The following ATRX variants were observed in gnomAD, a reference collection of about 807,000 sequenced individuals.
ATRX encodes the protein chromatin remodeler ATRX.
In ATRX, 12 loss-of-function variants were observed where a neutral mutation model predicts 172.6. That is an observed-to-expected ratio of 0.07 (90% confidence interval 0.04 to 0.11). The LOEUF (loss-of-function observed/expected upper bound fraction) is 0.11. Among genes scored for constraint, ATRX ranks in the 10% least tolerant of loss-of-function variants. The probability of loss-of-function intolerance (pLI) is 1.00; values close to 1 mark genes in which losing one functional copy is unlikely to be tolerated. For synonymous variants in ATRX, 674 were observed against 594.7 expected, an observed-to-expected ratio of 1.13 and a Z score of -1.94; for missense variants, 1,368 against 1,767.4, an observed-to-expected ratio of 0.77 and a Z score of 4.05.
rs782444854 is a variant in ATRX at position 77,786,036 on chromosome X, T to G, written c.-35A>C. 1.7e-6 allele frequency: 2 copies of G among 1,182,090 alleles called. No individual in the cohort carries two copies. The highest frequency in any genetic ancestry group is 2.3e-6 in the Non-Finnish European group (2 of 880,035). Reference sequence around the variant, plus strand: ...TGAACGCCTTGTCGGCTTCTGTGATTGCTGGGCGCCGATCTGCGCTCCCCC... The same window carrying G: ...TGAACGCCTTGTCGGCTTCTGTGATGGCTGGGCGCCGATCTGCGCTCCCCC... On this transcript the variant is annotated 5_prime_UTR_variant, in exon 1 of 35. Transcript: ENST00000373344.
Position 77,600,434 on chromosome X carries a change from C to T in ATRX, c.5697G>A (p.Lys1899=), listed in dbSNP as rs2148155828. 1 of 1,209,888 alleles carries T rather than the reference C, an allele frequency of 8.3e-7. No individual in the cohort carries two copies. Among genetic ancestry groups the T allele is most frequent in the Non-Finnish European group, 1.1e-6 (1 of 894,265 alleles). Residue 1899 remains lysine, a splice_region_variant and synonymous_variant, in exon 23 of 35, where the codon AAG becomes AAA. Coordinates refer to ENST00000373344, the MANE Select transcript of ATRX (RefSeq NM_000489.6). ...TTTTAAACTAAGTTACCTGACTTAC[C>T]TTATTTTCTTTGCTAATGTAGTCTA... ...LQLDYISKEN[K]GYFDEDSMDE... is the part of the protein sequence containing the mutation.
chrX:77,562,355 T>C (rs1370040757), intron 28 of ATRX, among the ~76,000 whole-genome samples: 2 of 112,036 alleles, frequency 1.8e-5, no homozygotes, highest in African/African-American at 6.5e-5. Flanking sequence ...GACAAGTATG[T>C]TTAGTTGTTT....
At chrX:77,519,374 T>C (rs1463693553) in intron 34 of ATRX, among the ~76,000 whole-genome samples, 2 of 111,224 alleles carry the variant, frequency 1.8e-5, no homozygotes, top group African/African-American at 6.5e-5. Flanking sequence ...AAAGAAGACA[T>C]ACAAATGGCA....
intron 13 of ATRX, among the ~76,000 whole-genome samples, chrX:77,654,979 C>T (rs1287056856): frequency 9.0e-6 from 1 of 111,088 alleles, no homozygotes; most frequent in Non-Finnish European, 1.9e-5. Context: ...AATTCTGAAA[C>T]ATGCCTCAAC....
intron 15 of ATRX, among the ~76,000 whole-genome samples, chrX:77,636,755 G>T (rs1302503357): frequency 9.9e-6 from 1 of 100,568 alleles, no homozygotes; most frequent in Non-Finnish European, 2.0e-5. Context: ...GTTGTTGGTT[G>T]CTATGCCAAA....
At chrX:77,640,858 T>C (rs1557110842) in intron 15 of ATRX, among the ~76,000 whole-genome samples, 3 of 111,646 alleles carry the variant, frequency 2.7e-5, no homozygotes, top group Admixed American at 9.5e-5. Context: ...CTTTGAGTCA[T>C]AGCTGAACAT....
intron 27 of ATRX, among the ~76,000 whole-genome samples, chrX:77,576,796 G>A (rs1358579215): frequency 1.8e-5 from 2 of 111,280 alleles, no homozygotes; most frequent in African/African-American, 3.3e-5. Context: ...ACAGGCCCTG[G>A]CAAACACCAT....
rs1434468570 is a variant in ATRX, at chrX:77,522,343, G to C, written c.6895C>G (p.Pro2299Ala). Residue 2299 changes from proline to alanine, a missense_variant, in exon 32 of 35, where the codon CCT becomes GCT. Pro to Ala is a conservative substitution (Grantham distance 27). Transcript: ENST00000373344. ...GGAGTTTGAGAGTTGAAACTGACAG[G>C]GGGTAAATTGGTCCCAGTTGGTATG... ...FNIPTGTNLP[P>A]VSFNSQTPYI... 1 of 1,210,241 alleles carries C rather than the reference G, an allele frequency of 8.3e-7. No individual in the cohort carries two copies. Among genetic ancestry groups the C allele is most frequent in the Admixed American group, 2.2e-5 (1 of 45,933 alleles).
chrX:77,537,618 T>G (rs1367458333), intron 30 of ATRX, among the ~76,000 whole-genome samples: 1 of 110,875 alleles, frequency 9.0e-6, no homozygotes, highest in Non-Finnish European at 1.9e-5. Flanking sequence ...GAGGATTGCT[T>G]GGGCTGAGGA....
At position 77,681,755 on chromosome X, in the gene ATRX, C is replaced by G; in HGVS notation, c.3501G>C (p.Lys1167Asn). The G allele has an allele frequency of 8.3e-7, 1 of 1,201,575 alleles. No homozygotes were observed. Among genetic ancestry groups the G allele is most frequent in the Non-Finnish European group, 1.1e-6 (1 of 892,870 alleles). The change falls in exon 9 of 35, where the codon AAG (lysine) becomes AAC (asparagine). Residue 1167 changes from lysine to asparagine, a missense_variant. Lys to Asn is a moderately conservative substitution (Grantham distance 94). This residue lies in a region of ATRX where 843 missense variants were observed against 643.1 expected (regional missense o/e 1.31). Coordinates refer to ENST00000373344, the MANE Select transcript of ATRX (RefSeq NM_000489.6). ...TTTTAGATGAAGTTCTTTGCTTCTT[C>G]TTTTTATTATCTTCAGAACTTTCCT... Reference protein sequence around the residue: ...DAEESSEDNKKKKQRTSSKKK... With the variant: ...DAEESSEDNKNKKQRTSSKKK...
chrX:77,742,949 G>A (rs2074934819), intron 1 of ATRX, among the ~76,000 whole-genome samples: 1 of 111,327 alleles, frequency 9.0e-6, no homozygotes, highest in Non-Finnish European at 1.9e-5. Context: ...GCTCATAACT[G>A]TGAGCAGTAC....
At chrX:77,755,322 A>G (rs1451389820) in intron 1 of ATRX, among the ~76,000 whole-genome samples, 1 of 111,968 alleles carries the variant, frequency 8.9e-6, no homozygotes, top group African/African-American at 3.3e-5. Context: ...CACCTTCTGA[A>G]GCCTAGTTCT....
At chrX:77,649,208 G>C (rs969427636) in intron 15 of ATRX, among the ~76,000 whole-genome samples, 3 of 109,423 alleles carry the variant, frequency 2.7e-5, no homozygotes, top group Non-Finnish European at 5.7e-5. Flanking sequence ...GGAAGGAAGG[G>C]AGGAAGGAAG....
At chrX:77,616,036 CTT>C (rs1338324973) in intron 22 of ATRX, 1 of 751,276 alleles carries the variant, frequency 1.3e-6, no homozygotes, top group Non-Finnish European at 1.6e-6. Flanking sequence ...ACACAAAAAG[CTT>C]ATTGATGGTA....
intron 16 of ATRX, 57 bp from the exon 17 acceptor site, chrX:77,634,760 T>C (rs987943800): frequency 6.1e-6 from 6 of 981,473 alleles, no homozygotes; most frequent in Non-Finnish European, 8.7e-6. Flanking sequence ...AAACTTCCTT[T>C]ACATAAACAC....
rs369676972 is a variant in ATRX at position 77,730,357 on chromosome X, C to T, written c.21-13114G>A. Among the ~76,000 whole-genome samples, 4 of 111,937 alleles carry T rather than the reference C, an allele frequency of 3.6e-5. No homozygotes were observed. In the East Asian group the frequency reaches 1.1e-3, roughly 31 times the overall value. On this transcript the variant is annotated intron_variant, in intron 1 of 34. Transcript: ENST00000373344. The stretch of plus-strand genomic sequence containing the variant: ...ATATATAAAGCAAGTATTATTAGAG[C>T]AAAAGGGAGAGACAGGCCCCAATAT...
At chrX:77,677,806 G>A (rs1348426499) in intron 9 of ATRX, among the ~76,000 whole-genome samples, 1 of 110,998 alleles carries the variant, frequency 9.0e-6, no homozygotes, top group Non-Finnish European at 1.9e-5. Context: ...AATATTAATG[G>A]TAGATGCTTT....
At chrX:77,636,082 T>C (rs2148361585) in intron 15 of ATRX, 26 bp from the exon 16 acceptor site, 1 of 1,205,666 alleles carries the variant, frequency 8.3e-7, no homozygotes, top group Admixed American at 2.2e-5. Context: ...TTGTTGATAG[T>C]TAAGCTCAAA....
At position 77,618,800 on chromosome X, in the gene ATRX, T is replaced by A; in HGVS notation, c.5448+6A>T. ...AATATTTTATTACTATGGAACATAT[T>A]TGTACCTGAACACATCCAGCTAACA... On this transcript the variant is annotated splice_donor_region_variant and intron_variant, in intron 21 of 34. Transcript: ENST00000373344. 1 of 1,202,340 alleles carries A rather than the reference T, an allele frequency of 8.3e-7. No homozygotes were observed.
Sources: allele counts gnomAD v4.1 joint callset (sites outside exome capture counted in the v4.1 genomes callset), GRCh38; gene constraint gnomAD v4.1.1; regional missense constraint gnomAD v4.1.1; transcripts MANE v1.5; gene names NCBI Gene and HGNC (gene_info 2026-07-23, HGNC 2026-07-21).